PIEZO2: variants seen among roughly 807,000 people sequenced by gnomAD.
The protein encoded by PIEZO2 is piezo type mechanosensitive ion channel component 2, also known as piezo-type mechanosensitive ion channel component 2.
Under a neutral mutation model 337.3 loss-of-function variants are expected in PIEZO2, and 172 were observed. The ratio of observed to expected loss-of-function variants is 0.51; its 90% CI spans 0.45 to 0.58. The LOEUF (loss-of-function observed/expected upper bound fraction) is 0.58, where lower values mean the gene tolerates loss of function less well. Ranked by LOEUF, PIEZO2 falls within the 20% of genes least tolerant of loss-of-function variation. The pLI is 0.00. For synonymous variants in PIEZO2, 1,251 were observed against 1,228.5 expected, an observed-to-expected ratio of 1.02 and a Z score of -0.38; for missense variants, 3,028 against 3,391.3, an observed-to-expected ratio of 0.89 and a Z score of 2.66.
Position 10,782,477 on chromosome 18 carries a change from ATAT to A in PIEZO2, c.2493-2114_2493-2112del, listed in dbSNP as rs1367461928. Among the ~76,000 whole-genome samples the A allele has an allele frequency of 1.9e-3, 246 of 128,070 alleles. 2 individuals are homozygous for A. The highest frequency in any genetic ancestry group is 6.8e-3 in the African/African-American group (228 of 33,714). The allele number at this position is 128,070 out of a possible 152,430, so 84.0% of individuals were successfully genotyped here. On this transcript the variant is annotated intron_variant, in intron 17 of 55. Coordinates refer to ENST00000674853, the MANE Select transcript of PIEZO2 (RefSeq NM_001378183.1). Reference sequence around the variant, plus strand: ...GTATATATATTATATTAAATAATATATATTATATTAAATATTATATTCTTATAT... The same window carrying A: ...GTATATATATTATATTAAATAATATATATATTAAATATTATATTCTTATAT...
intron 7 of PIEZO2, among the ~76,000 whole-genome samples, chr18:10,810,201 G>A (rs866979071): frequency 6.6e-6 from 1 of 152,134 alleles, no homozygotes; most frequent in Non-Finnish European, 1.5e-5. Flanking sequence ...ACAGTTTTTA[G>A]AAGATTTTAT....
chr18:11,079,361 T>C (rs1245813835), intron 1 of PIEZO2, among the ~76,000 whole-genome samples: 1 of 152,184 alleles, frequency 6.6e-6, no homozygotes, highest in Non-Finnish European at 1.5e-5. Context: ...TAAGTTAACC[T>C]CCACAAATAT....
intron 3 of PIEZO2, among the ~76,000 whole-genome samples, chr18:10,951,404 C>A (rs1436246656): frequency 6.6e-6 from 1 of 152,158 alleles, no homozygotes; most frequent in African/African-American, 2.4e-5. Flanking sequence ...TTAACTTTGA[C>A]AAGTCTCTGA....
At position 10,748,089 on chromosome 18, in the gene PIEZO2, A is replaced by G. The variant is rs1334027958; in HGVS notation, c.4424+382T>C. Reference sequence around the variant, plus strand: ...TGCAAATTGTGTCAGTGGCTCAGAGAAGAAAAGCAGGTTAGTAGGGGGAGG... The same window carrying G: ...TGCAAATTGTGTCAGTGGCTCAGAGGAGAAAAGCAGGTTAGTAGGGGGAGG... On this transcript the variant is annotated intron_variant, in intron 30 of 55. Transcript: ENST00000674853. This position sits in a 1 kb window ranked among gnomAD's most constrained non-coding sequence, Gnocchi z 5.1. Among the ~76,000 whole-genome samples the G allele has an allele frequency of 6.6e-6, 1 of 152,196 alleles. No homozygotes were observed. The highest frequency in any genetic ancestry group is 6.5e-5 in the Admixed American group (1 of 15,282).
chr18:11,088,733 C>T (rs1598941019), intron 1 of PIEZO2, among the ~76,000 whole-genome samples: 2 of 152,258 alleles, frequency 1.3e-5, no homozygotes, highest in African/African-American at 4.8e-5. Context: ...CGGTGGCAAC[C>T]ATTAGCACCC....
At chr18:11,066,895 T>G (rs1389652217) in intron 1 of PIEZO2, among the ~76,000 whole-genome samples, 1 of 152,228 alleles carries the variant, frequency 6.6e-6, no homozygotes, top group African/African-American at 2.4e-5. Context: ...CCACCGCATC[T>G]GGCCTAGTGC....
rs1203588888 is a variant in PIEZO2, at chr18:10,791,283, G to A, written c.1800C>T (p.His600=). 18 of 1,534,076 alleles carry A rather than the reference G, an allele frequency of 1.2e-5. No individual in the cohort carries two copies. Among genetic ancestry groups the A allele is most frequent in the Non-Finnish European group, 1.6e-5 (18 of 1,145,494 alleles). Residue 600 remains histidine (H), a synonymous_variant, in exon 14 of 56, where the codon CAC becomes CAT. Coordinates refer to ENST00000674853, the MANE Select transcript of PIEZO2 (RefSeq NM_001378183.1). The stretch of plus-strand genomic sequence containing the variant: ...CTTGCAGAGCTTTTTGCTCTGTGAG[G>A]TGCTGCCTCAGCAGTAGCCAAAAAG... ...TITFWLLLRQ[H]LTEQKALQEK...
intron 7 of PIEZO2, among the ~76,000 whole-genome samples, chr18:10,838,908 GATGAGAGGTCATAA>G (rs1237404589): frequency 6.6e-6 from 1 of 152,138 alleles, no homozygotes; most frequent in Non-Finnish European, 1.5e-5. Context: ...AGAAGCCCAA[GATGAGAGGTCATAA>G]ATGTAGGCAC....
chr18:11,071,410 C>T lies in PIEZO2; in HGVS notation c.65-5188G>A, dbSNP rs975369513. ...CCAACAAACATGTAGTGAGCACACA[C>T]TGTGTGATGGGCGTTGTCCCAGGTG... On this transcript the variant is annotated intron_variant, in intron 1 of 55. Coordinates refer to ENST00000674853, the MANE Select transcript of PIEZO2 (RefSeq NM_001378183.1). 3.3e-5 allele frequency among the ~76,000 whole-genome samples: 5 copies of T among 152,344 alleles called. No individual in the cohort carries two copies. The East Asian group carries it at 9.6e-4, about 29-fold the overall frequency.
chr18:10,671,184 A>G lies in PIEZO2; in HGVS notation c.*343T>C, dbSNP rs1359562880. On this transcript the variant is annotated 3_prime_UTR_variant, in exon 56 of 56. Coordinates refer to ENST00000674853, the MANE Select transcript of PIEZO2 (RefSeq NM_001378183.1). ...GGAAGTGCACGGGCCCCACAGAGGA[A>G]AACACAGGCATCTTTCTTTCTGACT... 4.6e-6 allele frequency: 1 copy of G among 216,508 alleles called. No homozygotes were observed. Among genetic ancestry groups the G allele is most frequent in the African/African-American group, 2.4e-5 (1 of 42,460 alleles). 13.4% of individuals were successfully genotyped at this position (216,508 alleles called of 1,614,324 possible).
intron 2 of PIEZO2, among the ~76,000 whole-genome samples, chr18:11,000,127 A>G (rs1229638747): frequency 6.6e-6 from 1 of 152,216 alleles, no homozygotes; most frequent in Non-Finnish European, 1.5e-5. Flanking sequence ...CACTCTGGGA[A>G]CATCACAAAA....
chr18:11,140,104 T>C (rs1241902183), intron 1 of PIEZO2, among the ~76,000 whole-genome samples: 5 of 152,192 alleles, frequency 3.3e-5, no homozygotes. Flanking sequence ...CAGCTTCCAC[T>C]GCAATCTCTG....
rs537617224 is a variant in PIEZO2 at position 10,893,963 on chromosome 18, C to T, written c.329+17223G>A. Among the ~76,000 whole-genome samples the T allele has an allele frequency of 8.5e-5, 13 of 152,208 alleles. No individual in the cohort carries two copies. In the East Asian group the frequency reaches 1.9e-3, roughly 23 times the overall value. Reference sequence around the variant, plus strand: ...GAGGCAGGAGAGGATTGCCCCCACCCGCCACCAGGAAAGTCAGGTGAGCAT... The same window carrying T: ...GAGGCAGGAGAGGATTGCCCCCACCTGCCACCAGGAAAGTCAGGTGAGCAT... On this transcript the variant is annotated intron_variant, in intron 4 of 55. Transcript: ENST00000674853.
In PIEZO2 at chr18:11,008,665, G is replaced by A. The variant is rs187830857; in HGVS notation, c.161-29005C>T. ...TTTGTGGTCCAAAGTTCCATCTTCT[G>A]CATATCTATTTATCATTTCCTCATC... is the stretch of plus-strand genomic sequence containing the variant. On this transcript the variant is annotated intron_variant, in intron 2 of 55. Transcript: ENST00000674853. 4.4e-3 allele frequency among the ~76,000 whole-genome samples: 674 copies of A among 152,284 alleles called. 3 individuals carry two copies. The highest frequency in any genetic ancestry group is 6.4e-3 in the Non-Finnish European group (436 of 68,018).
In PIEZO2 at chr18:10,955,341, C is replaced by T. The variant is rs973500081; in HGVS notation, c.286+24194G>A. Reference sequence around the variant, plus strand: ...AAGAGAGCAAGGAGACAGCTATTGGCATGGCCTGTCTGGGAGGCCTGTAGT... The same window carrying T: ...AAGAGAGCAAGGAGACAGCTATTGGTATGGCCTGTCTGGGAGGCCTGTAGT... On this transcript the variant is annotated intron_variant, in intron 3 of 55. Transcript: ENST00000674853. 3.3e-5 allele frequency among the ~76,000 whole-genome samples: 5 copies of T among 152,288 alleles called. No individual in the cohort carries two copies. In the South Asian group the frequency reaches 6.2e-4, roughly 19 times the overall value.
At chr18:11,141,889 T>C (rs1252036556) in intron 1 of PIEZO2, among the ~76,000 whole-genome samples, 40 of 152,132 alleles carry the variant, frequency 2.6e-4, no homozygotes, top group Admixed American at 2.6e-3. Flanking sequence ...AGGTGACTGG[T>C]GAAATGGCCA....
rs980894203 is a variant in PIEZO2 at position 10,767,099 on chromosome 18, C to G, written c.2946+3049G>C. 5.3e-5 allele frequency among the ~76,000 whole-genome samples: 8 copies of G among 150,468 alleles called. No homozygotes were observed. The highest frequency in any genetic ancestry group is 7.4e-5 in the Non-Finnish European group (5 of 67,722). On this transcript the variant is annotated intron_variant, in intron 21 of 55. Transcript: ENST00000674853. This position sits in a 1 kb window ranked among gnomAD's most constrained non-coding sequence, Gnocchi z 4.2. ...GCTAACAGAAAGTGTGGCTCTTGCT[C>G]AAGACTCACTGACCTCACAGAGCTG...
In PIEZO2 at chr18:10,672,759, T is replaced by C. The variant is rs760133499; in HGVS notation, c.8276A>G (p.Gln2759Arg). Residue 2759 changes from glutamine to arginine, a missense_variant, in exon 55 of 56, where the codon CAG becomes CGG. Gln to Arg is a conservative substitution (Grantham distance 43). Around this residue, in one of 5 missense-constraint regions of PIEZO2, gnomAD observed 332 missense variants for 363.8 expected, o/e 0.91. Transcript: ENST00000674853. The surrounding 1 kb of genome is among the most constrained non-coding windows in gnomAD (Gnocchi z 4.7). Reference protein sequence around the residue: ...TGNRIYNPNSQALELVVFNDK... With the variant: ...TGNRIYNPNSRALELVVFNDK... ...ATTGAAGACCACCAGTTCCAGGGCCTGAGAGTTCGGATTGTATATTCTGTT... is the reference window on the plus strand; with the variant it reads ...ATTGAAGACCACCAGTTCCAGGGCCCGAGAGTTCGGATTGTATATTCTGTT... 7 of 1,614,116 alleles carry C rather than the reference T, an allele frequency of 4.3e-6. No homozygotes were observed. Among genetic ancestry groups the C allele is most frequent in the Middle Eastern group, 1.6e-4 (1 of 6,062 alleles).
intron 3 of PIEZO2, among the ~76,000 whole-genome samples, chr18:10,959,223 T>C (rs528514439): frequency 9.8e-5 from 15 of 152,330 alleles, no homozygotes; most frequent in East Asian, 7.7e-4. Context: ...GTATTTGTCT[T>C]GTTTTGTTCT....
Sources: gnomAD v4.1 joint callset for allele counts (sites outside exome capture counted in the v4.1 genomes callset) on GRCh38, gnomAD v4.1.1 for gene constraint, gnomAD v4.1.1 regional missense constraint, Gnocchi (gnomAD v3.1) non-coding constraint, MANE v1.5 for transcripts, NCBI Gene and HGNC (gene_info 2026-07-23, HGNC 2026-07-21) for gene names.